Variants in HMCN1 observed in about 807,000 individuals in gnomAD.
HMCN1 encodes hemicentin 1.
In HMCN1, 321 loss-of-function variants were observed where a neutral mutation model predicts 625.9. That is an observed-to-expected ratio of 0.51 (90% CI 0.47 to 0.56). HMCN1 has a LOEUF of 0.56. Among genes scored for constraint, HMCN1 ranks in the 20% least tolerant of loss-of-function variants. The pLI, the probability that HMCN1 is intolerant of heterozygous loss-of-function variation, is 0.00. For missense variants in HMCN1, 6,588 were observed against 6,887.3 expected, an observed-to-expected ratio of 0.96 and a Z score of 1.54; for synonymous variants, 2,425 against 2,417.6, an observed-to-expected ratio of 1.00 and a Z score of -0.09.
chr1:185,772,115 G>C (rs935100270), intron 1 of HMCN1, among the ~76,000 whole-genome samples: 3 of 152,146 alleles, frequency 2.0e-5, no homozygotes, highest in Non-Finnish European at 4.4e-5. Context: ...GTAATCTAGA[G>C]TGGCTAAAGA....
intron 30 of HMCN1, among the ~76,000 whole-genome samples, chr1:186,014,622 T>C (rs755294925): frequency 6.6e-6 from 1 of 151,822 alleles, no homozygotes. Flanking sequence ...ATGTAGACAA[T>C]TGGATGAGTA....
At chr1:185,754,968 C>T (rs1336918663) in intron 1 of HMCN1, among the ~76,000 whole-genome samples, 1 of 152,196 alleles carries the variant, frequency 6.6e-6, no homozygotes, top group Non-Finnish European at 1.5e-5. Flanking sequence ...CATAACTTCT[C>T]TATCCTCAGT....
chr1:185,944,559 C>T (rs753683210), intron 11 of HMCN1, among the ~76,000 whole-genome samples: 1 of 152,182 alleles, frequency 6.6e-6, no homozygotes, highest in African/African-American at 2.4e-5. Flanking sequence ...TTTTAATTCC[C>T]TACCACTCTT....
chr1:186,023,898 G>A (rs1036296148), intron 36 of HMCN1, among the ~76,000 whole-genome samples: 3 of 151,978 alleles, frequency 2.0e-5, no homozygotes, highest in Non-Finnish European at 4.4e-5. Context: ...TTAATTCCAG[G>A]TATATAGTAG....
At chr1:186,030,566 T>C (rs1465777020) in intron 36 of HMCN1, among the ~76,000 whole-genome samples, 1 of 152,018 alleles carries the variant, frequency 6.6e-6, no homozygotes, top group Non-Finnish European at 1.5e-5. Context: ...TTTCAATGTA[T>C]TTGTCTTTGA....
chr1:186,144,087 C>A (rs972297106), intron 89 of HMCN1, 86 bp from the exon 90 acceptor site: 2 of 1,228,054 alleles, frequency 1.6e-6, no homozygotes, highest in Admixed American at 4.7e-5. Context: ...CTAATTAGCT[C>A]ATTACTGAGT....
chr1:185,870,057 TA>T (rs1663516301), intron 4 of HMCN1, among the ~76,000 whole-genome samples: 1 of 151,214 alleles, frequency 6.6e-6, no homozygotes, highest in Non-Finnish European at 1.5e-5. Flanking sequence ...AATGATTAAG[TA>T]GAAGATCTAG....
At chr1:186,060,817 TG>T (rs1657640398) in intron 46 of HMCN1, among the ~76,000 whole-genome samples, 1 of 152,118 alleles carries the variant, frequency 6.6e-6, no homozygotes, top group South Asian at 2.1e-4. Context: ...TCTGGGTGTC[TG>T]GGCTGGTTGT....
chr1:185,951,603 G>C (rs1668677618), intron 11 of HMCN1, among the ~76,000 whole-genome samples: 1 of 151,768 alleles, frequency 6.6e-6, no homozygotes, highest in East Asian at 1.9e-4. Flanking sequence ...GTCAGTCAGA[G>C]AGCCTTGGGC....
chr1:186,093,786 C>T, intron 66 of HMCN1, 117 bp downstream of exon 66: 3 of 1,365,716 alleles, frequency 2.2e-6, no homozygotes, highest in Non-Finnish European at 3.1e-6. Flanking sequence ...CAGTTTTTTT[C>T]CCTTTAAGTA....
intron 71 of HMCN1, 93 bp from the exon 72 acceptor site, chr1:186,112,719 C>A (rs1294575839): frequency 1.6e-5 from 23 of 1,462,418 alleles, no homozygotes; most frequent in Non-Finnish European, 9.4e-6. Flanking sequence ...AGCAGGTCCA[C>A]AGTTCACTAT....
chr1:185,891,847 A>G (rs1324954725), intron 4 of HMCN1, among the ~76,000 whole-genome samples: 1 of 147,646 alleles, frequency 6.8e-6, no homozygotes, highest in Non-Finnish European at 1.5e-5. Context: ...CCTGAATCTG[A>G]ACGTTGGCCT....
At chr1:185,903,956 G>A (rs1665953847) in intron 4 of HMCN1, among the ~76,000 whole-genome samples, 1 of 151,820 alleles carries the variant, frequency 6.6e-6, no homozygotes, top group South Asian at 2.1e-4. Context: ...GGGGAGACTT[G>A]CTCCCAGGCT....
At position 186,166,701 on chromosome 1, in the gene HMCN1, T is replaced by C; in HGVS notation, c.15440-107T>C. On this transcript the variant is annotated intron_variant, in intron 99 of 106. Transcript: ENST00000271588. ...AAAACTTTAGTCCTTCTTGTTCTTT[T>C]CTAGTTTCAAGGGTCCTTCACTGCT... 4 of 1,516,270 alleles carry C rather than the reference T, an allele frequency of 2.6e-6. No individual in the cohort carries two copies. In the South Asian group the frequency reaches 4.6e-5, roughly 17 times the overall value. The allele number at this position is 1,516,270 out of a possible 1,614,324, so 93.9% of individuals were successfully genotyped here. A position where few individuals can be genotyped will look rare whatever the true frequency, so the allele number is the denominator to read the frequency against.
chr1:185,741,414 A>G (rs1009373993), intron 1 of HMCN1, among the ~76,000 whole-genome samples: 1 of 152,184 alleles, frequency 6.6e-6, no homozygotes, highest in Non-Finnish European at 1.5e-5. Flanking sequence ...TCAAGTAGAG[A>G]TAAGAAGATA....
intron 44 of HMCN1, among the ~76,000 whole-genome samples, chr1:186,054,282 T>G (rs147996078): frequency 6.6e-6 from 1 of 152,048 alleles, no homozygotes; most frequent in East Asian, 1.9e-4. Context: ...GGGGAGCATT[T>G]TAACATAGGG....
chr1:185,797,296 T>C (rs1658453147), intron 1 of HMCN1, among the ~76,000 whole-genome samples: 1 of 152,212 alleles, frequency 6.6e-6, no homozygotes, highest in Admixed American at 6.5e-5. Context: ...AAAAGTTGTC[T>C]CTTTGTTTTT....
At chr1:185,854,001 AC>A (rs950439435) in intron 2 of HMCN1, among the ~76,000 whole-genome samples, 12 of 152,196 alleles carry the variant, frequency 7.9e-5, no homozygotes, top group African/African-American at 2.9e-4. Context: ...TGCTTAGGCA[AC>A]CAACAGATTG....
chr1:186,154,204 T>G (rs1650852478), intron 97 of HMCN1, among the ~76,000 whole-genome samples: 1 of 152,168 alleles, frequency 6.6e-6, no homozygotes. Context: ...TACTACACAG[T>G]GGGGTTGCTG....
Sources: allele counts gnomAD v4.1 joint callset (sites outside exome capture counted in the v4.1 genomes callset), GRCh38; gene constraint gnomAD v4.1.1; transcripts MANE v1.5; gene names NCBI Gene and HGNC (gene_info 2026-07-23, HGNC 2026-07-21).